PALM2AKAP2: variants seen among roughly 807,000 people sequenced by gnomAD.
The protein encoded by PALM2AKAP2 is PALM2-AKAP2 fusion protein.
A neutral mutation model predicts 71.5 loss-of-function variants in PALM2AKAP2; 37 were observed. The observed-to-expected ratio is 0.52, with a 90% CI of 0.40 to 0.68. The LOEUF is 0.68. Among genes scored for constraint, PALM2AKAP2 ranks in the 30% least tolerant of loss-of-function variants. The pLI is 0.00. For missense variants in PALM2AKAP2, 1,224 were observed against 1,191.8 expected (o/e 1.03, Z -0.40); for synonymous variants, 468 against 478.8 (o/e 0.98, Z 0.29).
intron 6 of PALM2AKAP2, among the ~76,000 whole-genome samples, chr9:109,964,100 A>G (rs1831899871): frequency 6.6e-6 from 1 of 152,236 alleles, no homozygotes; most frequent in Non-Finnish European, 1.5e-5. Context: ...GAGAACATAA[A>G]ATATTTAATA....
In PALM2AKAP2 at chr9:109,844,772, A is replaced by G. The variant is rs983251366; in HGVS notation, c.46-22719A>G. On this transcript the variant is annotated intron_variant, in intron 1 of 9. Coordinates refer to the PALM2AKAP2 transcript ENST00000302798. ...CCTGCTGTTCTGTGTGTGCTGCTCC[A>G]CTCAAGCCCCTGGGACTTACATGGA... Among the ~76,000 whole-genome samples, 16 of 152,202 alleles carry G rather than the reference A, an allele frequency of 1.1e-4. No individual in the cohort carries two copies. The East Asian group carries it at 3.1e-3, about 29-fold the overall frequency.
At chr9:109,844,571 C>T (rs755633468) in intron 1 of PALM2AKAP2, among the ~76,000 whole-genome samples, 1 of 152,180 alleles carries the variant, frequency 6.6e-6, no homozygotes, top group Non-Finnish European at 1.5e-5. Context: ...AGAGTTTCTG[C>T]ACTATGTCTG....
intron 1 of PALM2AKAP2, among the ~76,000 whole-genome samples, chr9:109,748,631 A>C (rs1828838548): frequency 6.6e-6 from 1 of 152,206 alleles, no homozygotes; most frequent in Non-Finnish European, 1.5e-5. Flanking sequence ...CATGATGCTG[A>C]CAGTTACACA....
At chr9:110,063,926 A>C (rs1834019609) in intron 1 of PALM2AKAP2, among the ~76,000 whole-genome samples, 2 of 152,290 alleles carry the variant, frequency 1.3e-5, no homozygotes, top group East Asian at 1.9e-4. Context: ...CACACAGTTC[A>C]TCCCATTTGA....
intron 1 of PALM2AKAP2, among the ~76,000 whole-genome samples, chr9:109,659,911 G>T (rs1444376850): frequency 2.0e-5 from 3 of 152,088 alleles, no homozygotes; most frequent in African/African-American, 4.8e-5. Context: ...TGTGATCATG[G>T]TTTACTTCAC....
intron 1 of PALM2AKAP2, among the ~76,000 whole-genome samples, chr9:109,841,965 G>A (rs1284933719): frequency 6.9e-6 from 1 of 145,242 alleles, no homozygotes; most frequent in Admixed American, 6.8e-5. Flanking sequence ...AGGGTGAGGG[G>A]GATGGAGGGG....
intron 6 of PALM2AKAP2, among the ~76,000 whole-genome samples, chr9:109,935,044 G>T (rs924322618): frequency 2.6e-5 from 4 of 152,164 alleles, no homozygotes; most frequent in African/African-American, 9.7e-5. Context: ...GATGTCATGG[G>T]ATTTGACAGG....
At chr9:109,724,695 G>T (rs1452341009) in intron 1 of PALM2AKAP2, among the ~76,000 whole-genome samples, 1 of 152,160 alleles carries the variant, frequency 6.6e-6, no homozygotes, top group Admixed American at 6.5e-5. Flanking sequence ...AGGGTGTCTT[G>T]TTATTATCCC....
chr9:110,053,040 G>T (rs1833742905), intron 1 of PALM2AKAP2, among the ~76,000 whole-genome samples: 1 of 152,300 alleles, frequency 6.6e-6, no homozygotes, highest in Admixed American at 6.5e-5. Flanking sequence ...AGGGTTTGGT[G>T]GTGGGTTCCT....
intron 1 of PALM2AKAP2, among the ~76,000 whole-genome samples, chr9:109,655,147 T>G (rs1025066175): frequency 6.6e-6 from 1 of 151,782 alleles, no homozygotes; most frequent in African/African-American, 2.4e-5. Flanking sequence ...TACAAAAAAA[T>G]TAGCCGGGTG....
intron 1 of PALM2AKAP2, chr9:109,772,017 C>T (rs770850273): frequency 1.3e-5 from 2 of 152,430 alleles, no homozygotes; most frequent in Non-Finnish European, 2.9e-5. Flanking sequence ...TTCTTCTTTC[C>T]GTGGGGACAG....
At chr9:109,867,226 C>G (rs1467966284) in intron 1 of PALM2AKAP2, 1 of 356,436 alleles carries the variant, frequency 2.8e-6, no homozygotes, top group African/African-American at 2.3e-5. Context: ...GTGTAGAAAC[C>G]GTCTTTTCTT....
upstream of PALM2AKAP2, among the ~76,000 whole-genome samples, chr9:109,775,623 A>G (rs955564366): frequency 6.6e-6 from 1 of 152,242 alleles, no homozygotes; most frequent in African/African-American, 2.4e-5. Context: ...ACACAAATAT[A>G]AACATTTGAG....
intron 1 of PALM2AKAP2, among the ~76,000 whole-genome samples, chr9:110,074,758 A>G (rs1834282553): frequency 6.6e-6 from 1 of 152,018 alleles, no homozygotes; most frequent in Non-Finnish European, 1.5e-5. Flanking sequence ...ATCCCAGCAC[A>G]TTGGGAGGCT....
At chr9:110,139,559 C>T (rs1184502180) in intron 2 of PALM2AKAP2, among the ~76,000 whole-genome samples, 1 of 152,260 alleles carries the variant, frequency 6.6e-6, no homozygotes, top group East Asian at 1.9e-4. Flanking sequence ...AAAACTGATG[C>T]TTCACCAGAG....
intron 1 of PALM2AKAP2, among the ~76,000 whole-genome samples, chr9:109,652,563 A>G (rs754912475): frequency 6.6e-6 from 1 of 152,226 alleles, no homozygotes; most frequent in African/African-American, 2.4e-5. Context: ...TCTTTATAGC[A>G]ATGCAAAAAC....
chr9:109,929,836 C>T (rs1052325085), intron 5 of PALM2AKAP2, among the ~76,000 whole-genome samples: 13 of 139,678 alleles, frequency 9.3e-5, no homozygotes, highest in African/African-American at 2.8e-4. Flanking sequence ...TGCACTCCAG[C>T]CTGGGTGACA....
intron 1 of PALM2AKAP2, among the ~76,000 whole-genome samples, chr9:109,689,647 G>GA (rs1396312687): frequency 6.6e-6 from 1 of 152,172 alleles, no homozygotes; most frequent in East Asian, 1.9e-4. Flanking sequence ...TCAATAGATG[G>GA]AAAATGAAAG....
At chr9:109,645,075 T>A (rs1827129763) in intron 1 of PALM2AKAP2, among the ~76,000 whole-genome samples, 2 of 152,220 alleles carry the variant, frequency 1.3e-5, no homozygotes, top group Admixed American at 6.5e-5. Flanking sequence ...GGTACCAATG[T>A]ACTGTATTAG....
Sources: gnomAD v4.1 joint callset for allele counts (sites outside exome capture counted in the v4.1 genomes callset) on GRCh38, gnomAD v4.1.1 for gene constraint, MANE v1.5 for transcripts, NCBI Gene and HGNC (gene_info 2026-07-23, HGNC 2026-07-21) for gene names.